CHRNA4: variants seen among roughly 807,000 people sequenced by gnomAD.
CHRNA4 encodes the protein neuronal acetylcholine receptor subunit alpha-4.
A neutral mutation model predicts 48.9 loss-of-function variants in CHRNA4; 28 were observed. The observed-to-expected ratio is 0.57, with a 90% CI of 0.42 to 0.79. The LOEUF (loss-of-function observed/expected upper bound fraction) is 0.79, where lower values mean the gene tolerates loss of function less well. Ranked by LOEUF, CHRNA4 falls within the 30% of genes least tolerant of loss-of-function variation. The pLI, the probability that CHRNA4 is intolerant of heterozygous loss-of-function variation, is 0.00. For missense variants in CHRNA4, 859 were observed against 898.4 expected (o/e 0.96, Z 0.56); for synonymous variants, 425 against 402.3 (o/e 1.06, Z -0.68).
Position 63,349,653 on chromosome 20 carries a change from C to G in CHRNA4, c.1758G>C (p.Ser586=). 1.2e-6 allele frequency: 2 copies of G among 1,612,806 alleles called. No homozygotes were observed. Among genetic ancestry groups the G allele is most frequent in the Non-Finnish European group, 1.7e-6 (2 of 1,179,882 alleles). The change falls in exon 5 of 6, where the codon TCG becomes TCC. Residue 586 remains serine (S), a splice_region_variant and synonymous_variant. Coordinates refer to ENST00000370263, the MANE Select transcript of CHRNA4 (RefSeq NM_000744.7). ...DHLKAEDTDF[S]VKEDWKYVAM... ...CAACACAGCCATGGGCGGGACTTAC[C>G]GAGAAGTCTGTGTCTTCGGCCTTCA...
In CHRNA4 at chr20:63,346,812, A is replaced by G. The variant is rs2068503513; in HGVS notation, c.1810T>C (p.Trp604Arg). 6.2e-7 allele frequency: 1 copy of G among 1,612,630 alleles called. No homozygotes were observed. The highest frequency in any genetic ancestry group is 8.5e-7 in the Non-Finnish European group (1 of 1,179,700). ...AGCAGGCAGACGATGATGAACATCC[A>G]GAGGAAGATGCGGTCGATGACCATG... ...VAMVIDRIFL[W>R]MFIIVCLLGT... The change falls in exon 6 of 6, where the codon TGG (tryptophan) becomes CGG (arginine). Residue 604 changes from tryptophan (W) to arginine (R), a missense_variant. Physicochemically the swap from Trp to Arg is moderately radical, Grantham distance 101. This residue lies in a region of CHRNA4 where 478 missense variants were observed against 455.4 expected (regional missense o/e 1.05). Transcript: ENST00000370263.
Position 63,344,017 on chromosome 20 carries a change from G to A in CHRNA4, c.*2721C>T, listed in dbSNP as rs764318593. 4 of 453,962 alleles carry A rather than the reference G, an allele frequency of 8.8e-6. No individual in the cohort carries two copies. Among genetic ancestry groups the A allele is most frequent in the East Asian group, 6.9e-5 (1 of 14,414 alleles). 28.1% of individuals were successfully genotyped at this position (453,962 alleles called of 1,614,324 possible). A position where few individuals can be genotyped will look rare whatever the true frequency, so the allele number is the denominator to read the frequency against. ...ACGGATAGAGTGCCATGCACACACC[G>A]GCACCTCCATTCCTAATCACCGACA... On this transcript the variant is annotated 3_prime_UTR_variant, in exon 6 of 6. Coordinates refer to ENST00000370263, the MANE Select transcript of CHRNA4 (RefSeq NM_000744.7). This position sits in a 1 kb window ranked among gnomAD's most constrained non-coding sequence, Gnocchi z 4.5.
At chr20:63,360,942 G>T (rs938546080) in intron 1 of CHRNA4, 148 bp downstream of exon 1, 16 of 613,608 alleles carry the variant, frequency 2.6e-5, no homozygotes, top group Non-Finnish European at 3.7e-5. Flanking sequence ...CAGCCTGTGC[G>T]GCTGGGGATG....
At chr20:63,347,312 G>C (rs11908087) in intron 5 of CHRNA4, among the ~76,000 whole-genome samples, 1 of 152,240 alleles carries the variant, frequency 6.6e-6, no homozygotes, top group East Asian at 1.9e-4. Context: ...AATGTGGCCC[G>C]GTGGGCGCAC....
At chr20:63,359,869 C>CGCCGGGCGTGCGCTG in intron 1 of CHRNA4, 170 bp from the exon 2 acceptor site, 1 of 444,098 alleles carries the variant, frequency 2.3e-6, no homozygotes. Flanking sequence ...GGCGTGCGCT[C>CGCCGGGCGTGCGCTG]TGTGTGTGTG....
At position 63,361,103 on chromosome 20, in the gene CHRNA4, G is replaced by T; in HGVS notation, c.63C>A (p.Thr21=). The change falls in exon 1 of 6, where the codon ACC becomes ACA. Residue 21 remains threonine (T), a synonymous_variant. Coordinates refer to ENST00000370263, the MANE Select transcript of CHRNA4 (RefSeq NM_000744.7). ...CCCGTAACTTACCGCGCAGGAGGCC[G>T]GTCCCCAGAAGCAGCAGCAGCGGCG... ...LLPPLLLLLG[T]GLLRASSHVE... 6.8e-7 allele frequency: 1 copy of T among 1,472,822 alleles called. No homozygotes were observed. The highest frequency in any genetic ancestry group is 8.9e-7 in the Non-Finnish European group (1 of 1,117,418). 91.2% of individuals were successfully genotyped at this position (1,472,822 alleles called of 1,614,324 possible).
At position 63,346,548 on chromosome 20, in the gene CHRNA4, A is replaced by G. The variant is rs1385144953; in HGVS notation, c.*190T>C. 1.2e-6 allele frequency: 1 copy of G among 829,892 alleles called. No homozygotes were observed. The highest frequency in any genetic ancestry group is 2.0e-6 in the Non-Finnish European group (1 of 506,216). The allele number at this position is 829,892 out of a possible 1,614,324, so 51.4% of individuals were successfully genotyped here. On this transcript the variant is annotated 3_prime_UTR_variant, in exon 6 of 6. Coordinates refer to ENST00000370263, the MANE Select transcript of CHRNA4 (RefSeq NM_000744.7). ...CCACAGTCCAACTGGAAGCAGCTCC[A>G]CACTCGGTCTCCCCAGAGGCCGTGT...
chr20:63,355,480 T>C (rs1393006051), intron 4 of CHRNA4: 1 of 1,276,814 alleles, frequency 7.8e-7, no homozygotes, highest in East Asian at 5.6e-5. Flanking sequence ...ATGAGAACCA[T>C]CTGGGGCTTC....
At position 63,351,228 on chromosome 20, in the gene CHRNA4, A is replaced by G. The variant is rs59145036; in HGVS notation, c.384-201T>C. 34,156 of 375,806 alleles carry G rather than the reference A, an allele frequency of 0.091. 2,008 individuals carry two copies. The highest frequency in any genetic ancestry group is 0.13 in the South Asian group (5,410 of 42,878). 23.3% of individuals were successfully genotyped at this position (375,806 alleles called of 1,614,324 possible). On this transcript the variant is annotated intron_variant, in intron 4 of 5. Coordinates refer to ENST00000370263, the MANE Select transcript of CHRNA4 (RefSeq NM_000744.7). Reference sequence around the variant, plus strand: ...CACCCACGTCCACGTCCACGCCCACATCCACACCCACGTCCACGTCCACGT... The same window carrying G: ...CACCCACGTCCACGTCCACGCCCACGTCCACACCCACGTCCACGTCCACGT...
At position 63,347,559 on chromosome 20, in the gene CHRNA4, G is replaced by C. The variant is rs543867444; in HGVS notation, c.1759-696C>G. Among the ~76,000 whole-genome samples the C allele has an allele frequency of 1.4e-4, 21 of 152,332 alleles. 1 individual carries two copies. The East Asian group carries it at 4.1e-3, about 29-fold the overall frequency. ...GGTGACCCCCAGGAGCAGAGGCCTA[G>C]GGAGGGCAGAGGCAGTGGCCTGGTC... On this transcript the variant is annotated intron_variant, in intron 5 of 5. Coordinates refer to ENST00000370263, the MANE Select transcript of CHRNA4 (RefSeq NM_000744.7).
chr20:63,361,112 AAGC>A lies in CHRNA4; in HGVS notation c.51_53del (p.Leu19del), dbSNP rs1053984520. 2.7e-6 allele frequency: 4 copies of A among 1,477,396 alleles called. No homozygotes were observed. Among genetic ancestry groups the A allele is most frequent in the Admixed American group, 2.3e-5 (1 of 43,694 alleles). The allele number at this position is 1,477,396 out of a possible 1,614,324, so 91.5% of individuals were successfully genotyped here. On this transcript the variant is annotated inframe_deletion, in exon 1 of 6. Coordinates refer to ENST00000370263, the MANE Select transcript of CHRNA4 (RefSeq NM_000744.7). ...TACCGCGCAGGAGGCCGGTCCCCAG[AAGC>A]AGCAGCAGCGGCGGCAGCAGCCGCG...
chr20:63,356,044 T>A lies in CHRNA4; in HGVS notation c.314A>T (p.Tyr105Phe), dbSNP rs771191068. The stretch of plus-strand genomic sequence containing the variant: ...GATGCGGATGGAGGTGACATTCTCA[T>A]AGTCAGCTGGGTCCCAGCGCAGCTT... ...DYKLRWDPAD[Y>F]ENVTSIRIPS... Residue 105 changes from tyrosine (Y) to phenylalanine (F), a missense_variant, in exon 4 of 6, where the codon TAT (tyrosine) becomes TTT (phenylalanine). Around this residue, in one of 3 missense-constraint regions of CHRNA4, gnomAD observed 342 missense variants for 365.3 expected, o/e 0.94. Coordinates refer to ENST00000370263, the MANE Select transcript of CHRNA4 (RefSeq NM_000744.7). 2 of 1,603,830 alleles carry A rather than the reference T, an allele frequency of 1.2e-6. No homozygotes were observed. Among genetic ancestry groups the A allele is most frequent in the Non-Finnish European group, 1.7e-6 (2 of 1,177,326 alleles).
intron 4 of CHRNA4, chr20:63,354,775 T>A (rs62206908): frequency 1.8e-5 from 7 of 383,108 alleles, no homozygotes; most frequent in Non-Finnish European, 2.5e-5. Flanking sequence ...TCCATGCGAG[T>A]CACACAGGCG....
Position 63,361,334 on chromosome 20 carries a change from G to A in CHRNA4, c.-169C>T. ...CGGTGCGGCGGCGGCGCGGCAGGGA[G>A]CGCCGGGCTGTGGGCTCCGTGGCGC... On this transcript the variant is annotated 5_prime_UTR_variant, in exon 1 of 6. Transcript: ENST00000370263. 1.8e-6 allele frequency: 2 copies of A among 1,116,938 alleles called. No homozygotes were observed. The highest frequency in any genetic ancestry group is 2.1e-6 in the Non-Finnish European group (2 of 930,582). 69.2% of individuals were successfully genotyped at this position (1,116,938 alleles called of 1,614,324 possible).
intron 4 of CHRNA4, chr20:63,354,754 C>A: frequency 1.8e-6 from 1 of 545,770 alleles, no homozygotes; most frequent in Non-Finnish European, 2.3e-6. Context: ...TCCACTTCTC[C>A]CTGAAATGTG....
Position 63,349,958 on chromosome 20 carries a change from G to C in CHRNA4, c.1453C>G (p.Arg485Gly), listed in dbSNP as rs978124935. The part of the protein sequence containing the change: ...GEAVEGGVRC[R>G]SRSIQYCVPR... ...ACACAGTACTGGATGCTCCGAGACC[G>C]GCACCGGACGCCGCCTTCCACCGCT... Residue 485 changes from arginine (R) to glycine (G), a missense_variant, in exon 5 of 6, where the codon CGG becomes GGG. This residue lies in a region of CHRNA4 where 478 missense variants were observed against 455.4 expected (regional missense o/e 1.05). Transcript: ENST00000370263. The C allele has an allele frequency of 7.0e-6, 11 of 1,567,420 alleles. No individual in the cohort carries two copies. Among genetic ancestry groups the C allele is most frequent in the Non-Finnish European group, 3.5e-6 (4 of 1,155,436 alleles).
Position 63,350,178 on chromosome 20 carries a change from G to A in CHRNA4, c.1233C>T (p.Pro411=), listed in dbSNP as rs2068565691. 2 of 1,592,594 alleles carry A rather than the reference G, an allele frequency of 1.3e-6. No homozygotes were observed. The highest frequency in any genetic ancestry group is 1.7e-6 in the Non-Finnish European group (2 of 1,168,168). Residue 411 remains proline, a synonymous_variant, in exon 5 of 6, where the codon CCC becomes CCT. Coordinates refer to ENST00000370263, the MANE Select transcript of CHRNA4 (RefSeq NM_000744.7). ...GCCCAGGCTCAGCCGGCACATCCAG[G>A]GGGACACAGAAGGACGGTGAGGGCG... ...LHPPSPSFCV[P]LDVPAEPGPS...
intron 1 of CHRNA4, among the ~76,000 whole-genome samples, chr20:63,360,488 G>GA (rs2068799554): frequency 6.6e-6 from 1 of 152,202 alleles, no homozygotes; most frequent in African/African-American, 2.4e-5. Context: ...CGCCTGTCCT[G>GA]GGCGCTGCCA....
Position 63,350,304 on chromosome 20 carries a change from C to A in CHRNA4, c.1107G>T (p.Arg369=). 6.2e-7 allele frequency: 1 copy of A among 1,613,110 alleles called. No individual in the cohort carries two copies. The highest frequency in any genetic ancestry group is 2.2e-5 in the East Asian group (1 of 44,872). ...KRPSVVKDNC[R]RLIESMHKMA... ...TCTTATGCATGGACTCGATGAGCCG[C>A]CGGCAATTGTCCTTGACCACGGACG... The change falls in exon 5 of 6, where the codon CGG becomes CGT. Residue 369 remains arginine (R), a synonymous_variant. Coordinates refer to ENST00000370263, the MANE Select transcript of CHRNA4 (RefSeq NM_000744.7).
Sources: allele counts gnomAD v4.1 joint callset (sites outside exome capture counted in the v4.1 genomes callset), GRCh38; gene constraint gnomAD v4.1.1; regional missense constraint gnomAD v4.1.1; non-coding constraint Gnocchi (gnomAD v3.1); transcripts MANE v1.5; gene names NCBI Gene and HGNC (gene_info 2026-07-23, HGNC 2026-07-21).